The following GNG7 variants were observed in gnomAD, a reference collection of about 807,000 sequenced individuals.
The protein encoded by GNG7 is guanine nucleotide-binding protein G(I)/G(S)/G(O) subunit gamma-7.
GNG7 carries 1 observed loss-of-function variant against 4.0 expected under a neutral mutation model. That is an observed-to-expected ratio of 0.25 (90% confidence interval 0.09 to 1.18). GNG7 has a LOEUF of 1.18. Ranked by LOEUF, GNG7 falls within the 50% of genes most tolerant of loss-of-function variation. The pLI is 0.50. For missense variants in GNG7, 86 were observed against 91.9 expected (o/e 0.94, Z 0.26); for synonymous variants, 34 against 36.9 (o/e 0.92, Z 0.29).
intron 3 of GNG7, among the ~76,000 whole-genome samples, chr19:2,547,307 G>GT (rs1207470519): frequency 6.6e-6 from 1 of 152,074 alleles, no homozygotes; most frequent in East Asian, 1.9e-4. Flanking sequence ...GGCCTCACTG[G>GT]TTTAAAATCA....
intron 2 of GNG7, among the ~76,000 whole-genome samples, chr19:2,629,751 C>T (rs1207714469): frequency 3.3e-5 from 5 of 152,184 alleles, no homozygotes; most frequent in Non-Finnish European, 7.3e-5. Flanking sequence ...CCCTCTGACC[C>T]CATGCCCACG....
intron 2 of GNG7, among the ~76,000 whole-genome samples, chr19:2,575,668 CACATGCAG>C (rs1980296546): frequency 1.4e-5 from 2 of 144,394 alleles, no homozygotes; most frequent in Non-Finnish European, 3.0e-5. Flanking sequence ...CACACGCAGG[CACATGCAG>C]ACACGCAGGC....
At chr19:2,528,137 A>G (rs945903599) in intron 3 of GNG7, among the ~76,000 whole-genome samples, 3 of 151,860 alleles carry the variant, frequency 2.0e-5, no homozygotes, top group Non-Finnish European at 2.9e-5. Context: ...CAGGCATGGT[A>G]GTGCGTGCCT....
intron 2 of GNG7, among the ~76,000 whole-genome samples, chr19:2,592,389 A>G (rs565889127): frequency 2.6e-5 from 4 of 152,160 alleles, no homozygotes; most frequent in Admixed American, 2.6e-4. Flanking sequence ...TGTGGCAGAA[A>G]ACATCACTTT....
intron 2 of GNG7, among the ~76,000 whole-genome samples, chr19:2,627,058 C>G (rs1240544394): frequency 1.3e-5 from 2 of 152,300 alleles, no homozygotes; most frequent in South Asian, 4.1e-4. Flanking sequence ...TCCTCTCTCT[C>G]TTCCCACTCA....
In GNG7 at chr19:2,525,292, C is replaced by T. The variant is rs1035313967; in HGVS notation, c.-37-4567G>A. On this transcript the variant is annotated intron_variant, in intron 3 of 4. Transcript: ENST00000382159. The stretch of plus-strand genomic sequence containing the variant: ...GTCCCCACGGCTCCCTCCTGACGGT[C>T]GGGCTCTGCCTCGGTGCACAGGCTC... Among the ~76,000 whole-genome samples the T allele has an allele frequency of 3.2e-4, 48 of 152,200 alleles. 1 individual carries two copies. Among genetic ancestry groups the T allele is most frequent in the Non-Finnish European group, 1.6e-4 (11 of 68,036 alleles).
intron 3 of GNG7, among the ~76,000 whole-genome samples, chr19:2,521,248 A>G (rs1261263448): frequency 1.3e-5 from 2 of 151,930 alleles, no homozygotes; most frequent in Non-Finnish European, 1.5e-5. Flanking sequence ...CCTGGACGAC[A>G]GAGCAAGACT....
At chr19:2,544,425 C>G (rs573585696) in intron 3 of GNG7, among the ~76,000 whole-genome samples, 5 of 152,334 alleles carry the variant, frequency 3.3e-5, no homozygotes, top group Non-Finnish European at 7.4e-5. Flanking sequence ...ACAGAAGCCC[C>G]TGAGGACAGT....
chr19:2,541,344 G>A (rs572104196), intron 3 of GNG7, among the ~76,000 whole-genome samples: 42 of 152,208 alleles, frequency 2.8e-4, no homozygotes, highest in South Asian at 1.5e-3. Context: ...TTGGGGAAGC[G>A]AAGCCGAATT....
At chr19:2,672,430 A>G (rs987513308) in intron 1 of GNG7, among the ~76,000 whole-genome samples, 1 of 149,790 alleles carries the variant, frequency 6.7e-6, no homozygotes, top group South Asian at 2.1e-4. Context: ...TGTTGGAATT[A>G]CAGGTGTGAC....
At chr19:2,581,359 C>T (rs1329115741) in intron 2 of GNG7, among the ~76,000 whole-genome samples, 2 of 150,958 alleles carry the variant, frequency 1.3e-5, no homozygotes, top group South Asian at 2.1e-4. Context: ...GGGTGTCTCT[C>T]GGGTGGCCTG....
At chr19:2,677,239 G>T (rs1296836270) in intron 1 of GNG7, among the ~76,000 whole-genome samples, 1 of 143,844 alleles carries the variant, frequency 7.0e-6, no homozygotes. Flanking sequence ...TGCCACAGGG[G>T]AGCAGAGAAT....
chr19:2,575,869 A>ACAGGCACACG (rs1267131617), intron 2 of GNG7, among the ~76,000 whole-genome samples: 2 of 129,308 alleles, frequency 1.5e-5, no homozygotes, highest in Non-Finnish European at 3.4e-5. Flanking sequence ...ACACGCAGAC[A>ACAGGCACACG]CAGGCACACG....
chr19:2,666,597 C>T (rs907715414), intron 1 of GNG7, among the ~76,000 whole-genome samples: 2 of 152,186 alleles, frequency 1.3e-5, no homozygotes, highest in Admixed American at 6.5e-5. Context: ...CAAGTGTGAG[C>T]CACCTTGCCT....
intron 2 of GNG7, among the ~76,000 whole-genome samples, chr19:2,603,200 G>A (rs551216459): frequency 6.6e-6 from 1 of 152,184 alleles, no homozygotes; most frequent in South Asian, 2.1e-4. Flanking sequence ...CCGAGTAGCT[G>A]GGATTACAGG....
intron 2 of GNG7, among the ~76,000 whole-genome samples, chr19:2,624,590 G>A (rs1981968934): frequency 6.6e-6 from 1 of 152,076 alleles, no homozygotes; most frequent in African/African-American, 2.4e-5. Flanking sequence ...TGCTCCAGTG[G>A]CTCTCAGGCA....
At chr19:2,648,524 A>AT (rs1175703437) in intron 1 of GNG7, among the ~76,000 whole-genome samples, 1 of 152,186 alleles carries the variant, frequency 6.6e-6, no homozygotes, top group African/African-American at 2.4e-5. Context: ...TTAAAAGTTC[A>AT]TTTAAAAAAA....
intron 2 of GNG7, among the ~76,000 whole-genome samples, chr19:2,585,451 T>C (rs1980642840): frequency 6.6e-6 from 1 of 150,790 alleles, no homozygotes; most frequent in African/African-American, 2.5e-5. Context: ...AAAGAAAAAA[T>C]AGGGCAAGGC....
chr19:2,673,832 T>C (rs564088350), intron 1 of GNG7, among the ~76,000 whole-genome samples: 1 of 152,348 alleles, frequency 6.6e-6, no homozygotes, highest in South Asian at 2.1e-4. Context: ...GGCCTTGTAC[T>C]GCTTTTGTAT....
Sources: allele counts gnomAD v4.1 joint callset (sites outside exome capture counted in the v4.1 genomes callset), GRCh38; gene constraint gnomAD v4.1.1; transcripts MANE v1.5; gene names NCBI Gene and HGNC (gene_info 2026-07-23, HGNC 2026-07-21).